The following PHKA2 variants were observed in gnomAD, a reference collection of about 807,000 sequenced individuals.
PHKA2 encodes the protein phosphorylase kinase regulatory subunit alpha 2.
A neutral mutation model predicts 102.0 loss-of-function variants in PHKA2; 31 were observed. The ratio of observed to expected loss-of-function variants is 0.30; its 90% CI spans 0.23 to 0.41. The LOEUF is 0.41. PHKA2 is among the 10% of genes least tolerant of loss of function. The probability of loss-of-function intolerance (pLI) is 1.00; values close to 1 mark genes in which losing one functional copy is unlikely to be tolerated. For synonymous variants in PHKA2, 455 were observed against 416.2 expected (o/e 1.09, Z -1.13); for missense variants, 858 against 1,023.1 (o/e 0.84, Z 2.20).
intron 23 of PHKA2, 80 bp downstream of exon 23, chrX:18,906,938 C>T (rs1175895881): frequency 2.9e-6 from 3 of 1,024,088 alleles, no homozygotes; most frequent in Non-Finnish European, 4.1e-6. Flanking sequence ...CTTTAAAAAG[C>T]CCCTCCTCCG....
chrX:18,918,980 A>T, intron 18 of PHKA2, 126 bp from the exon 19 acceptor site: 1 of 564,144 alleles, frequency 1.8e-6, no homozygotes, highest in Non-Finnish European at 3.1e-6. Context: ...TGAGATATCG[A>T]TATTTGCACT....
At chrX:18,982,993 G>A (rs899650244) in intron 1 of PHKA2, among the ~76,000 whole-genome samples, 4 of 112,232 alleles carry the variant, frequency 3.6e-5, no homozygotes, top group Admixed American at 2.8e-4. Flanking sequence ...TCCTAAGTGA[G>A]GAAACAAGGC....
chrX:18,983,120 C>G (rs2049200497), intron 1 of PHKA2, among the ~76,000 whole-genome samples: 1 of 112,278 alleles, frequency 8.9e-6, no homozygotes, highest in Non-Finnish European at 1.9e-5. Context: ...TTTGAAGGCC[C>G]TATAAATAGT....
chrX:18,936,413 C>A (rs2048395204), intron 10 of PHKA2, among the ~76,000 whole-genome samples: 2 of 111,941 alleles, frequency 1.8e-5, no homozygotes, highest in Admixed American at 1.9e-4. Context: ...AGAGACAGAG[C>A]ACCCATCATA....
intron 1 of PHKA2, 90 bp from the exon 2 acceptor site, chrX:18,954,502 C>A: frequency 3.2e-6 from 3 of 937,743 alleles, no homozygotes; most frequent in Non-Finnish European, 4.5e-6. Context: ...TAGATGAGGA[C>A]CGGGACCTGG....
At chrX:18,905,197 A>G (rs991998204) in intron 26 of PHKA2, among the ~76,000 whole-genome samples, 2 of 112,080 alleles carry the variant, frequency 1.8e-5, no homozygotes, top group African/African-American at 6.5e-5. Flanking sequence ...TTTTGAGAAC[A>G]GAGTTTTGCT....
intron 19 of PHKA2, among the ~76,000 whole-genome samples, chrX:18,917,278 A>G (rs1213559657): frequency 2.0e-5 from 2 of 100,288 alleles, no homozygotes; most frequent in African/African-American, 7.4e-5. Flanking sequence ...TTTTTTTTTG[A>G]GACAGGGTCT....
intron 26 of PHKA2, among the ~76,000 whole-genome samples, chrX:18,905,337 C>G (rs2047789344): frequency 8.9e-6 from 1 of 111,926 alleles, no homozygotes; most frequent in South Asian, 3.8e-4. Flanking sequence ...CCACGCCTGA[C>G]TAATTTTTTT....
At chrX:18,931,999 G>T (rs982526029) in intron 11 of PHKA2, among the ~76,000 whole-genome samples, 1 of 112,337 alleles carries the variant, frequency 8.9e-6, no homozygotes, top group Non-Finnish European at 1.9e-5. Flanking sequence ...AAGGCCACGA[G>T]CACCGGATGC....
At position 18,909,889 on chromosome X, in the gene PHKA2, T is replaced by C. The variant is rs575695989; in HGVS notation, c.2227-955A>G. Among the ~76,000 whole-genome samples the C allele has an allele frequency of 3.1e-4, 35 of 112,249 alleles. No homozygotes were observed. In the Middle Eastern group the frequency reaches 0.014, roughly 44 times the overall value. The stretch of plus-strand genomic sequence containing the variant: ...CTCTCGCTTCTCTATTCCTGCTTTC[T>C]GCACCATGCTGCATATATGGTATAG... On this transcript the variant is annotated intron_variant, in intron 20 of 32. Coordinates refer to ENST00000379942, the MANE Select transcript of PHKA2 (RefSeq NM_000292.3).
At chrX:18,947,222 C>T (rs1156339005) in intron 5 of PHKA2, among the ~76,000 whole-genome samples, 5 of 112,110 alleles carry the variant, frequency 4.5e-5, no homozygotes, top group African/African-American at 1.3e-4. Flanking sequence ...CCTGTAAAGC[C>T]GACCATATTT....
At chrX:18,910,768 A>T (rs1201511892) in intron 20 of PHKA2, 104 bp downstream of exon 20, 1 of 505,808 alleles carries the variant, frequency 2.0e-6, no homozygotes, top group Non-Finnish European at 3.6e-6. Flanking sequence ...TGATATCGAG[A>T]AATATGCTGT....
intron 6 of PHKA2, 46 bp from the exon 7 acceptor site, chrX:18,943,854 A>G (rs2048535057): frequency 2.3e-6 from 2 of 875,004 alleles, no homozygotes; most frequent in African/African-American, 2.0e-5. Flanking sequence ...ATAAACATAC[A>G]CTCCAATATC....
At chrX:18,945,252 T>G (rs1011852390) in intron 5 of PHKA2, 94 bp from the exon 6 acceptor site, 2 of 554,833 alleles carry the variant, frequency 3.6e-6, no homozygotes, top group African/African-American at 4.5e-5. Flanking sequence ...GCAGCCACAC[T>G]GAAACATAAG....
At chrX:18,968,990 G>A (rs759804287) in intron 1 of PHKA2, among the ~76,000 whole-genome samples, 1 of 111,093 alleles carries the variant, frequency 9.0e-6, no homozygotes, top group East Asian at 2.8e-4. Flanking sequence ...GGTGGTGCAC[G>A]CCTGTAATTC....
chrX:18,932,861 C>A (rs1293500469), intron 11 of PHKA2, among the ~76,000 whole-genome samples: 2 of 111,793 alleles, frequency 1.8e-5, no homozygotes, highest in Non-Finnish European at 3.8e-5. Context: ...CACCTGTAAT[C>A]CCAGCACTTT....
chrX:18,912,683 C>T (rs1448497134), intron 19 of PHKA2, among the ~76,000 whole-genome samples: 2 of 109,506 alleles, frequency 1.8e-5, no homozygotes, highest in Non-Finnish European at 3.8e-5. Flanking sequence ...CAGGCTGAGG[C>T]GGAAGGATCA....
chrX:18,907,224 C>A, intron 22 of PHKA2, 127 bp from the exon 23 acceptor site: 1 of 562,843 alleles, frequency 1.8e-6, no homozygotes, highest in South Asian at 2.5e-5. Flanking sequence ...CTTAGTGACC[C>A]ATGTTGCCCT....
intron 11 of PHKA2, among the ~76,000 whole-genome samples, chrX:18,935,117 A>G (rs550029318): frequency 1.8e-5 from 2 of 112,259 alleles, no homozygotes; most frequent in African/African-American, 6.5e-5. Flanking sequence ...TCATCCCACA[A>G]ACACAATAAT....
Sources: allele counts gnomAD v4.1 joint callset (sites outside exome capture counted in the v4.1 genomes callset), GRCh38; gene constraint gnomAD v4.1.1; transcripts MANE v1.5; gene names NCBI Gene and HGNC (gene_info 2026-07-23, HGNC 2026-07-21).